The following LSS variants were observed in gnomAD, a reference collection of about 807,000 sequenced individuals.
LSS encodes 2,3-epoxysqualene-lanosterol cyclase.
In LSS, 90 loss-of-function variants were observed where a neutral mutation model predicts 110.3. The observed-to-expected ratio is 0.82, with a 90% CI of 0.69 to 0.97. LSS has a LOEUF of 0.97. Ranked by LOEUF, LSS falls within the 50% of genes least tolerant of loss-of-function variation. The pLI, the probability that LSS is intolerant of heterozygous loss-of-function variation, is 0.00. For missense variants in LSS, 927 were observed against 990.0 expected, an observed-to-expected ratio of 0.94 and a Z score of 0.85; for synonymous variants, 433 against 400.0, an observed-to-expected ratio of 1.08 and a Z score of -0.98.
intron 20 of LSS, chr21:46,192,847 G>A (rs768798674): frequency 1.0e-4 from 45 of 450,918 alleles, no homozygotes; most frequent in African/African-American, 8.1e-4. Flanking sequence ...TGGCACAGAT[G>A]GGATACTGCG....
chr21:46,188,814 G>GA lies in LSS; in HGVS notation c.*2289dup. On this transcript the variant is annotated 3_prime_UTR_variant, in exon 22 of 22. Transcript: ENST00000397728. ...AGGGAATCGCTGCGTCCTGTGACTT[G>GA]AAGGCCACTGTGAAGGAAAACAATG... is the stretch of plus-strand genomic sequence containing the variant. 1 of 468,614 alleles carries GA rather than the reference G, an allele frequency of 2.1e-6. No individual in the cohort carries two copies. Among genetic ancestry groups the GA allele is most frequent in the Non-Finnish European group, 4.4e-6 (1 of 224,774 alleles). The allele number at this position is 468,614 out of a possible 1,614,324, so 29.0% of individuals were successfully genotyped here.
chr21:46,210,891 C>T lies in LSS; in HGVS notation c.1138-147G>A, dbSNP rs77770075. 4,638 of 701,056 alleles carry T rather than the reference C, an allele frequency of 6.6e-3. 149 individuals are homozygous for T. The highest frequency in any genetic ancestry group is 0.054 in the South Asian group (3,072 of 57,248). The allele number at this position is 701,056 out of a possible 1,614,324, so 43.4% of individuals were successfully genotyped here. On this transcript the variant is annotated intron_variant, in intron 11 of 21. Transcript: ENST00000397728. The stretch of plus-strand genomic sequence containing the variant: ...GCCTCAGGCTCTGAGCCCTGGGCAC[C>T]CCTCATGGCTGACAAGGGCCTCAGA...
rs1016208726 is a variant in LSS at position 46,221,884 on chromosome 21, C to T, written c.520G>A (p.Val174Ile). Reference sequence around the variant, plus strand: ...TTGTGAAGAATGTTCCGGGCTCGTACCAGGTCAGGATCGTCAGGCCCAACA... The same window carrying T: ...TTGTGAAGAATGTTCCGGGCTCGTATCAGGTCAGGATCGTCAGGCCCAACA... Reference protein sequence around the residue: ...LGVGPDDPDLVRARNILHKKG... With the variant: ...LGVGPDDPDLIRARNILHKKG... Residue 174 changes from valine (V) to isoleucine (I), a missense_variant, in exon 5 of 22, where the codon GTA (valine) becomes ATA (isoleucine). Coordinates refer to ENST00000397728, the MANE Select transcript of LSS (RefSeq NM_002340.6). 2 of 1,614,146 alleles carry T rather than the reference C, an allele frequency of 1.2e-6. No homozygotes were observed. The highest frequency in any genetic ancestry group is 1.7e-6 in the Non-Finnish European group (2 of 1,180,028).
intron 3 of LSS, chr21:46,225,467 G>A (rs1569038146): frequency 2.2e-6 from 1 of 447,096 alleles, no homozygotes; most frequent in Admixed American, 2.4e-5. Context: ...CCTTTCCCCG[G>A]GGGAGTTTAG....
At position 46,222,667 on chromosome 21, in the gene LSS, G is replaced by A; in HGVS notation, c.391C>T (p.Leu131=). 6.2e-7 allele frequency: 1 copy of A among 1,613,864 alleles called. No homozygotes were observed. Among genetic ancestry groups the A allele is most frequent in the South Asian group, 1.1e-5 (1 of 91,082 alleles). ...CCGTCAGGGAGCTGCACTGACCGCA[G>A]GTACCGCACAATCTCTTCTCTGTAT... ...AGYREEIVRY[L]RSVQLPDGGW... is the part of the protein sequence containing the mutation. The change falls in exon 4 of 22, where the codon CTG becomes TTG. Residue 131 remains leucine, a synonymous_variant. Coordinates refer to ENST00000397728, the MANE Select transcript of LSS (RefSeq NM_002340.6).
chr21:46,201,148 G>C (rs113496067), intron 17 of LSS, among the ~76,000 whole-genome samples: 4 of 132,722 alleles, frequency 3.0e-5, no homozygotes, highest in South Asian at 5.7e-4. Flanking sequence ...ATGAAGCCCT[G>C]AGGGTAGAGC....
Position 46,206,746 on chromosome 21 carries a change from T to C in LSS, c.1490A>G (p.Asp497Gly), listed in dbSNP as rs757293115. Residue 497 changes from aspartate to glycine, a missense_variant, in exon 16 of 22, where the codon GAT becomes GGT. Coordinates refer to ENST00000397728, the MANE Select transcript of LSS (RefSeq NM_002340.6). ...VAVLLNMRNP[D>G]GGFATYETKR... is the part of the protein sequence containing the mutation. ...GGTCTCATAGGTGGCGAACCCTCCA[T>C]CTGGATTTCTCATGTTCAGCAGCTG... 9.3e-6 allele frequency: 15 copies of C among 1,612,150 alleles called. No individual in the cohort carries two copies. The East Asian group carries it at 3.3e-4, about 36-fold the overall frequency.
intron 17 of LSS, among the ~76,000 whole-genome samples, chr21:46,202,046 G>A (rs993692950): frequency 2.7e-5 from 4 of 146,880 alleles, no homozygotes; most frequent in African/African-American, 7.5e-5. Context: ...CACCCGCCTC[G>A]GCCTCCCAAA....
Position 46,216,794 on chromosome 21 carries a change from G to A in LSS, c.648-270C>T, listed in dbSNP as rs1365067463. Among the ~76,000 whole-genome samples, 5 of 152,276 alleles carry A rather than the reference G, an allele frequency of 3.3e-5. No individual in the cohort carries two copies. The South Asian group carries it at 6.2e-4, about 19-fold the overall frequency. The stretch of plus-strand genomic sequence containing the variant: ...AGCTCCTAAATGCTTAGGATTGTCC[G>A]TGGGTTTCTTAGCTACAACAAACGT... On this transcript the variant is annotated intron_variant, in intron 6 of 21. Transcript: ENST00000397728. This position sits in a 1 kb window ranked among gnomAD's most constrained non-coding sequence, Gnocchi z 4.2.
intron 5 of LSS, chr21:46,220,230 C>T (rs1402869148): frequency 6.6e-6 from 1 of 152,392 alleles, no homozygotes; most frequent in Non-Finnish European, 1.5e-5. Flanking sequence ...AAAGTGCAGC[C>T]TAAACACGTT....
At chr21:46,211,841 T>C (rs2080138250) in intron 11 of LSS, among the ~76,000 whole-genome samples, 1 of 152,186 alleles carries the variant, frequency 6.6e-6, no homozygotes. Flanking sequence ...GAGAGACGGC[T>C]GGACTAACAG....
intron 17 of LSS, among the ~76,000 whole-genome samples, chr21:46,201,705 G>T: frequency 6.6e-6 from 1 of 152,060 alleles, no homozygotes; most frequent in Non-Finnish European, 1.5e-5. Flanking sequence ...GAGAATTTAA[G>T]TCTGTCTAGT....
At chr21:46,218,960 C>T (rs1306629588) in intron 6 of LSS, among the ~76,000 whole-genome samples, 3 of 152,080 alleles carry the variant, frequency 2.0e-5, no homozygotes, top group South Asian at 2.1e-4. Flanking sequence ...CCCTTGACCT[C>T]GTGATCTGCC....
chr21:46,191,196 A>G lies in LSS; in HGVS notation c.2107T>C (p.Ser703Pro). The change falls in exon 22 of 22, where the codon TCC (serine) becomes CCC (proline). Residue 703 changes from serine (S) to proline (P), a missense_variant. Physicochemically the swap from Ser to Pro is moderately conservative, Grantham distance 74. Transcript: ENST00000397728. ...AAGATGTTCCTGTAGCTCGTGTAGG[A>G]GATGGCACAGGACTTGTTGAAGACC... The part of the protein sequence containing the change: ...AGVFNKSCAI[S>P]YTSYRNIFPI... 6.2e-7 allele frequency: 1 copy of G among 1,614,020 alleles called. No homozygotes were observed. The highest frequency in any genetic ancestry group is 1.1e-5 in the South Asian group (1 of 91,080).
chr21:46,192,064 G>GA (rs2079824405), intron 20 of LSS, 105 bp from the exon 21 acceptor site: 1 of 883,934 alleles, frequency 1.1e-6, no homozygotes, highest in Admixed American at 2.0e-5. Flanking sequence ...ATGCTGCAGT[G>GA]AGAATGGATG....
chr21:46,213,918 AG>A, intron 9 of LSS, 83 bp from the exon 10 acceptor site: 1 of 950,754 alleles, frequency 1.1e-6, no homozygotes, highest in South Asian at 1.4e-5. Context: ...GATCCACAGC[AG>A]CCCCCAGGCA....
At chr21:46,203,682 A>G (rs1019589689) in intron 17 of LSS, among the ~76,000 whole-genome samples, 3 of 152,244 alleles carry the variant, frequency 2.0e-5, no homozygotes, top group Admixed American at 1.3e-4. Context: ...GGCCGACAGA[A>G]GACCCTGGAC....
chr21:46,198,284 G>A (rs1298913122), intron 17 of LSS, among the ~76,000 whole-genome samples: 1 of 149,634 alleles, frequency 6.7e-6, no homozygotes, highest in African/African-American at 2.5e-5. Context: ...AAAAAAAAAG[G>A]GTCAGTTGTT....
rs559080881 is a variant in LSS, at chr21:46,216,638, A to G, written c.648-114T>C. The G allele has an allele frequency of 7.6e-6, 10 of 1,319,350 alleles. No individual in the cohort carries two copies. In the South Asian group the frequency reaches 1.4e-4, roughly 18 times the overall value. The allele number at this position is 1,319,350 out of a possible 1,614,324, so 81.7% of individuals were successfully genotyped here. A position where few individuals can be genotyped will look rare whatever the true frequency, so the allele number is the denominator to read the frequency against. On this transcript the variant is annotated intron_variant, in intron 6 of 21. Coordinates refer to ENST00000397728, the MANE Select transcript of LSS (RefSeq NM_002340.6). This position sits in a 1 kb window ranked among gnomAD's most constrained non-coding sequence, Gnocchi z 4.2. ...GAACACTGGTGGATGGCTATTCCCCACCACGTCAGTGCATCTGCGGGCATT... is the reference window on the plus strand; with the variant it reads ...GAACACTGGTGGATGGCTATTCCCCGCCACGTCAGTGCATCTGCGGGCATT...
Sources: gnomAD v4.1 joint callset for allele counts (sites outside exome capture counted in the v4.1 genomes callset) on GRCh38, gnomAD v4.1.1 for gene constraint, Gnocchi (gnomAD v3.1) non-coding constraint, MANE v1.5 for transcripts, NCBI Gene and HGNC (gene_info 2026-07-23, HGNC 2026-07-21) for gene names.